NFIA: variants seen among roughly 807,000 people sequenced by gnomAD.
NFIA encodes nuclear factor 1 A-type.
NFIA carries 8 observed loss-of-function variants against 62.8 expected under a neutral mutation model. That is an observed-to-expected ratio of 0.13 (90% confidence interval 0.07 to 0.23). NFIA has a LOEUF of 0.23. NFIA is among the 10% of genes least tolerant of loss of function. The pLI, the probability that NFIA is intolerant of heterozygous loss-of-function variation, is 1.00. For synonymous variants in NFIA, 235 were observed against 238.1 expected, an observed-to-expected ratio of 0.99 and a Z score of 0.12; for missense variants, 410 against 642.1, an observed-to-expected ratio of 0.64 and a Z score of 3.91.
chr1:61,373,762 T>C (rs985247866), intron 6 of NFIA, among the ~76,000 whole-genome samples: 5 of 151,990 alleles, frequency 3.3e-5, no homozygotes, highest in African/African-American at 1.2e-4. Context: ...CATTATACAG[T>C]TCTATATTTG....
At chr1:61,175,043 C>T (rs1382061555) in intron 2 of NFIA, among the ~76,000 whole-genome samples, 3 of 152,130 alleles carry the variant, frequency 2.0e-5, no homozygotes, top group Non-Finnish European at 4.4e-5. Flanking sequence ...CAAAAAAACA[C>T]ATCTCAAACC....
intron 2 of NFIA, among the ~76,000 whole-genome samples, chr1:61,207,031 A>G (rs1652942132): frequency 6.6e-6 from 1 of 152,188 alleles, no homozygotes; most frequent in Non-Finnish European, 1.5e-5. Flanking sequence ...CCATGCAAAG[A>G]AAGTCATTAT....
At chr1:61,412,416 G>A (rs753125516) in intron 9 of NFIA, among the ~76,000 whole-genome samples, 10 of 152,188 alleles carry the variant, frequency 6.6e-5, no homozygotes, top group African/African-American at 1.2e-4. Flanking sequence ...AGCAATAGGG[G>A]TGATGAGAAG....
At chr1:61,147,716 G>GT (rs1188544225) in intron 2 of NFIA, among the ~76,000 whole-genome samples, 3 of 151,314 alleles carry the variant, frequency 2.0e-5, no homozygotes, top group Non-Finnish European at 4.4e-5. Flanking sequence ...ATTTTCATTT[G>GT]TTTTTTTTCA....
chr1:61,244,008 TA>T (rs1416508534), intron 2 of NFIA, among the ~76,000 whole-genome samples: 1 of 152,206 alleles, frequency 6.6e-6, no homozygotes, highest in Admixed American at 6.5e-5. Flanking sequence ...GTGGTATATT[TA>T]GCATTTTACC....
At position 61,334,535 on chromosome 1, in the gene NFIA, A is replaced by ATGTGTG. The variant is rs35661377; in HGVS notation, c.700+1965_700+1970dup. On this transcript the variant is annotated intron_variant, in intron 4 of 10. Coordinates refer to ENST00000403491, the MANE Select transcript of NFIA (RefSeq NM_001134673.4). ...GGGGAGTATTTGTGTGTGTGTATAT[A>ATGTGTG]TGTGTGTGTGTGTGTGTGTGTATAT... Among the ~76,000 whole-genome samples the ATGTGTG allele has an allele frequency of 4.2e-3, 244 of 58,264 alleles. 11 individuals carry two copies. Among genetic ancestry groups the ATGTGTG allele is most frequent in the African/African-American group, 0.021 (178 of 8,590 alleles). The allele number at this position is 58,264 out of a possible 152,430, so 38.2% of individuals were successfully genotyped here. A position where few individuals can be genotyped will look rare whatever the true frequency, so the allele number is the denominator to read the frequency against.
intron 1 of NFIA, among the ~76,000 whole-genome samples, chr1:61,085,399 C>G (rs1557553485): frequency 6.6e-6 from 1 of 152,106 alleles, no homozygotes; most frequent in Non-Finnish European, 1.5e-5. Context: ...GATGCTGATT[C>G]AAAGTAATAC....
upstream of NFIA, chr1:61,082,416 G>A: frequency 3.2e-6 from 3 of 936,586 alleles, no homozygotes; most frequent in Non-Finnish European, 2.5e-6. Context: ...GCTGTGCGGT[G>A]CGGTGCAGAG....
chr1:61,225,145 T>G (rs1654249847), intron 2 of NFIA, among the ~76,000 whole-genome samples: 1 of 151,006 alleles, frequency 6.6e-6, no homozygotes, highest in African/African-American at 2.4e-5. Flanking sequence ...TTTTGTTTTT[T>G]TAAAAAACAA....
intron 6 of NFIA, among the ~76,000 whole-genome samples, chr1:61,382,651 A>C (rs1664478111): frequency 6.6e-6 from 1 of 152,204 alleles, no homozygotes; most frequent in South Asian, 2.1e-4. Context: ...TATTGCTTAC[A>C]TTGGTTATAC....
chr1:61,341,168 A>G (rs773324136), intron 4 of NFIA, among the ~76,000 whole-genome samples: 5 of 144,254 alleles, frequency 3.5e-5, no homozygotes, highest in Non-Finnish European at 7.4e-5. Flanking sequence ...GGTTCACACC[A>G]TTCTCCTGCC....
intron 2 of NFIA, among the ~76,000 whole-genome samples, chr1:61,177,653 TTGTGTGTGTGTGTGTG>T (rs56299869): frequency 4.8e-5 from 7 of 146,054 alleles, no homozygotes; most frequent in Non-Finnish European, 7.6e-5. Flanking sequence ...GTTTTCTCTA[TTGTGTGTGTGTGTGTG>T]TGTGTGTGTG....
chr1:61,163,979 G>A (rs1260490378), intron 2 of NFIA, among the ~76,000 whole-genome samples: 3 of 152,180 alleles, frequency 2.0e-5, no homozygotes, highest in Non-Finnish European at 4.4e-5. Context: ...CTAAGAATCT[G>A]GAAGTGCAGA....
chr1:61,365,159 C>G (rs1268613879), intron 6 of NFIA, among the ~76,000 whole-genome samples: 1 of 152,164 alleles, frequency 6.6e-6, no homozygotes, highest in African/African-American at 2.4e-5. Flanking sequence ...TGCACTCCAG[C>G]CTGAGCAACA....
intron 2 of NFIA, among the ~76,000 whole-genome samples, chr1:61,204,651 T>C (rs893134487): frequency 1.3e-5 from 2 of 152,162 alleles, no homozygotes; most frequent in Non-Finnish European, 2.9e-5. Context: ...ATGTCTGCCT[T>C]AGTCCACCTT....
chr1:61,129,912 T>G (rs1647044075), intron 2 of NFIA, among the ~76,000 whole-genome samples: 1 of 152,120 alleles, frequency 6.6e-6, no homozygotes, highest in Admixed American at 6.6e-5. Flanking sequence ...AACCATACCT[T>G]CCTATAGACT....
intron 7 of NFIA, among the ~76,000 whole-genome samples, chr1:61,393,323 C>G (rs942140321): frequency 6.0e-5 from 3 of 50,028 alleles, no homozygotes; most frequent in African/African-American, 5.8e-4. Context: ...CCGTCTCTCC[C>G]CCTCCCCAAC....
At chr1:61,402,199 G>C (rs1470856478) in intron 7 of NFIA, among the ~76,000 whole-genome samples, 1 of 151,548 alleles carries the variant, frequency 6.6e-6, no homozygotes, top group Non-Finnish European at 1.5e-5. Context: ...CACCACACCT[G>C]GCTAATTTTT....
rs1652343679 is a variant in NFIA, at chr1:61,200,038, A to ATATATATATG, written c.560-77473_560-77472insGTATATATAT. Among the ~76,000 whole-genome samples the ATATATATATG allele has an allele frequency of 8.5e-4, 40 of 46,958 alleles. 1 individual carries two copies. Among genetic ancestry groups the ATATATATATG allele is most frequent in the African/African-American group, 4.1e-3 (38 of 9,288 alleles). The allele number at this position is 46,958 out of a possible 152,430, so 30.8% of individuals were successfully genotyped here. ...TATATATATATATATATATATATAT[A>ATATATATATG]TATATATATATATATATATATATAT... On this transcript the variant is annotated intron_variant, in intron 2 of 10. Transcript: ENST00000403491.
Sources: gnomAD v4.1 joint callset for allele counts (sites outside exome capture counted in the v4.1 genomes callset) on GRCh38, gnomAD v4.1.1 for gene constraint, MANE v1.5 for transcripts, NCBI Gene and HGNC (gene_info 2026-07-23, HGNC 2026-07-21) for gene names.